SMYD3: variants seen among roughly 807,000 people sequenced by gnomAD.
SMYD3 encodes the protein SET and MYND domain containing 3.
Under a neutral mutation model 57.7 loss-of-function variants are expected in SMYD3, and 36 were observed. That is an observed-to-expected ratio of 0.62 (90% CI 0.48 to 0.82). The LOEUF is 0.82. SMYD3 is among the 40% of genes least tolerant of loss of function. The probability of loss-of-function intolerance (pLI) is 0.00; values close to 1 mark genes in which losing one functional copy is unlikely to be tolerated. For synonymous variants in SMYD3, 211 were observed against 195.0 expected (o/e 1.08, Z -0.68); for missense variants, 515 against 538.8 (o/e 0.96, Z 0.44).
intron 5 of SMYD3, among the ~76,000 whole-genome samples, chr1:246,300,770 A>G (rs2064880978): frequency 6.6e-6 from 1 of 152,052 alleles, no homozygotes; most frequent in Non-Finnish European, 1.5e-5. Flanking sequence ...AAAATATAAT[A>G]TATGCAAGCC....
intron 5 of SMYD3, among the ~76,000 whole-genome samples, chr1:246,172,630 C>T (rs1471092207): frequency 6.7e-6 from 1 of 148,504 alleles, no homozygotes; most frequent in East Asian, 2.0e-4. Context: ...CTACACAGGC[C>T]TAGAACACTC....
chr1:246,176,964 C>G (rs573458759), intron 5 of SMYD3, among the ~76,000 whole-genome samples: 1 of 152,214 alleles, frequency 6.6e-6, no homozygotes, highest in African/African-American at 2.4e-5. Context: ...GACTTTAACC[C>G]AAATTGGTGA....
intron 5 of SMYD3, among the ~76,000 whole-genome samples, chr1:246,280,596 C>A (rs2064422246): frequency 6.6e-6 from 1 of 152,148 alleles, no homozygotes; most frequent in African/African-American, 2.4e-5. Context: ...CCATTTCTCT[C>A]TTTAAAAGAA....
Position 246,485,783 on chromosome 1 carries a change from C to T in SMYD3, c.164+21271G>A, listed in dbSNP as rs112288636. Among the ~76,000 whole-genome samples, 1,333 of 152,286 alleles carry T rather than the reference C, an allele frequency of 8.8e-3. 24 individuals are homozygous for T. The highest frequency in any genetic ancestry group is 0.029 in the African/African-American group (1,194 of 41,534). On this transcript the variant is annotated intron_variant, in intron 1 of 11. Coordinates refer to ENST00000490107, the MANE Select transcript of SMYD3 (RefSeq NM_001167740.2). ...CCAGCCTGGGCAACAGAGCAACACT[C>T]TGTCTCAAAATAATAATAAAAATAA...
At chr1:246,029,773 C>T (rs1047078864) in intron 5 of SMYD3, among the ~76,000 whole-genome samples, 4 of 150,810 alleles carry the variant, frequency 2.7e-5, no homozygotes, top group Admixed American at 6.6e-5. Context: ...CAGGGAAATA[C>T]GAATCAAAAC....
intron 10 of SMYD3, among the ~76,000 whole-genome samples, chr1:245,853,508 C>A (rs148230453): frequency 2.9e-4 from 44 of 152,188 alleles, no homozygotes; most frequent in Admixed American, 2.6e-3. Context: ...AAGCGCTGGG[C>A]GCGTGGCTGC....
intron 5 of SMYD3, among the ~76,000 whole-genome samples, chr1:246,039,135 T>G (rs1273166665): frequency 6.6e-6 from 1 of 152,162 alleles, no homozygotes; most frequent in African/African-American, 2.4e-5. Flanking sequence ...ATTTGGAGGT[T>G]TCAGCATGGA....
chr1:246,225,321 C>CAAAAAAAAAAAAAAAAAAAAAA lies in SMYD3; in HGVS notation c.531+101858_531+101879dup, dbSNP rs60915002. 1.8e-4 allele frequency among the ~76,000 whole-genome samples: 14 copies of CAAAAAAAAAAAAAAAAAAAAAA among 76,296 alleles called. 2 individuals carry two copies. Among genetic ancestry groups the CAAAAAAAAAAAAAAAAAAAAAA allele is most frequent in the Admixed American group, 2.8e-4 (2 of 7,272 alleles). The allele number at this position is 76,296 out of a possible 152,430, so 50.1% of individuals were successfully genotyped here. A position where few individuals can be genotyped will look rare whatever the true frequency, so the allele number is the denominator to read the frequency against. The stretch of plus-strand genomic sequence containing the variant: ...GTTATGTGGAAGACTGCTGAAAAGT[C>CAAAAAAAAAAAAAAAAAAAAAA]AAAAAAAAAAAAAAAAAAAAAAAAA... On this transcript the variant is annotated intron_variant, in intron 5 of 11. Coordinates refer to ENST00000490107, the MANE Select transcript of SMYD3 (RefSeq NM_001167740.2).
At chr1:245,879,372 G>A (rs1423804714) in intron 8 of SMYD3, among the ~76,000 whole-genome samples, 1 of 152,218 alleles carries the variant, frequency 6.6e-6, no homozygotes, top group Non-Finnish European at 1.5e-5. Context: ...AAATGCACAT[G>A]AGCTGTGCTG....
At chr1:246,478,011 G>C (rs1475955603) in intron 1 of SMYD3, among the ~76,000 whole-genome samples, 1 of 152,168 alleles carries the variant, frequency 6.6e-6, no homozygotes, top group Admixed American at 6.5e-5. Flanking sequence ...GTAGATAAGG[G>C]CAAAGATGAC....
At chr1:245,796,372 A>C (rs2047521543) in intron 10 of SMYD3, among the ~76,000 whole-genome samples, 1 of 152,000 alleles carries the variant, frequency 6.6e-6, no homozygotes, top group African/African-American at 2.4e-5. Flanking sequence ...ATGGAGACTG[A>C]TTTCTTGTAA....
intron 5 of SMYD3, among the ~76,000 whole-genome samples, chr1:246,299,131 A>G (rs1398124410): frequency 6.6e-6 from 1 of 152,174 alleles, no homozygotes; most frequent in Non-Finnish European, 1.5e-5. Flanking sequence ...TTTCATATGC[A>G]AAGATAGATG....
intron 5 of SMYD3, among the ~76,000 whole-genome samples, chr1:245,980,671 G>A (rs907781182): frequency 6.6e-6 from 1 of 152,236 alleles, no homozygotes; most frequent in Non-Finnish European, 1.5e-5. Flanking sequence ...CATGACAAAT[G>A]CAGCTGTCAG....
chr1:246,033,099 T>C lies in SMYD3; in HGVS notation c.532-103162A>G, dbSNP rs1415502521. On this transcript the variant is annotated intron_variant, in intron 5 of 11. Coordinates refer to ENST00000490107, the MANE Select transcript of SMYD3 (RefSeq NM_001167740.2). Reference sequence around the variant, plus strand: ...ACCATGTTCCCATAAAACCAGTGCATGAATGTTTACAGCAACTTTATTTAT... The same window carrying C: ...ACCATGTTCCCATAAAACCAGTGCACGAATGTTTACAGCAACTTTATTTAT... 2.0e-5 allele frequency among the ~76,000 whole-genome samples: 3 copies of C among 152,118 alleles called. No homozygotes were observed. In the East Asian group the frequency reaches 5.8e-4, roughly 29 times the overall value.
chr1:246,185,696 C>T (rs1238567116), intron 5 of SMYD3, among the ~76,000 whole-genome samples: 1 of 152,092 alleles, frequency 6.6e-6, no homozygotes, highest in Non-Finnish European at 1.5e-5. Context: ...CTCCTGATTT[C>T]GTGATCACCC....
intron 5 of SMYD3, among the ~76,000 whole-genome samples, chr1:246,206,193 C>G (rs1170606938): frequency 6.6e-6 from 1 of 151,844 alleles, no homozygotes; most frequent in African/African-American, 2.4e-5. Context: ...CTAGATACAA[C>G]TTAAGCCTAA....
At chr1:246,455,821 T>C (rs1181477990) in intron 1 of SMYD3, among the ~76,000 whole-genome samples, 1 of 152,190 alleles carries the variant, frequency 6.6e-6, no homozygotes, top group Non-Finnish European at 1.5e-5. Flanking sequence ...TTAAATAAAC[T>C]TGGAGGCAGA....
intron 5 of SMYD3, among the ~76,000 whole-genome samples, chr1:246,023,329 AG>A (rs570644980): frequency 3.7e-3 from 569 of 152,354 alleles, no homozygotes; most frequent in Non-Finnish European, 6.3e-3. Flanking sequence ...ACGAGCAATT[AG>A]AAAACAGAGA....
chr1:245,818,794 A>T (rs1467556278), intron 10 of SMYD3, among the ~76,000 whole-genome samples: 1 of 151,936 alleles, frequency 6.6e-6, no homozygotes, highest in Non-Finnish European at 1.5e-5. Flanking sequence ...AAAGAGACAA[A>T]GAAGGCCATT....
Sources: gnomAD v4.1 joint callset for allele counts (sites outside exome capture counted in the v4.1 genomes callset) on GRCh38, gnomAD v4.1.1 for gene constraint, MANE v1.5 for transcripts, NCBI Gene and HGNC (gene_info 2026-07-23, HGNC 2026-07-21) for gene names.